The following ASXL3 variants were observed in gnomAD, a reference collection of about 807,000 sequenced individuals.
ASXL3 encodes putative Polycomb group protein ASXL3.
A neutral mutation model predicts 170.6 loss-of-function variants in ASXL3; 34 were observed. The ratio of observed to expected loss-of-function variants is 0.20; its 90% CI spans 0.15 to 0.27. The LOEUF (loss-of-function observed/expected upper bound fraction) is 0.27, where lower values mean the gene tolerates loss of function less well. Ranked by LOEUF, ASXL3 falls within the 10% of genes least tolerant of loss-of-function variation. ASXL3 has a pLI of 1.00. For synonymous variants in ASXL3, 1,002 were observed against 989.1 expected (o/e 1.01, Z -0.24); for missense variants, 2,592 against 2,695.3 (o/e 0.96, Z 0.85).
intron 8 of ASXL3, among the ~76,000 whole-genome samples, chr18:33,694,416 A>G (rs1021296639): frequency 1.3e-5 from 2 of 152,170 alleles, no homozygotes; most frequent in African/African-American, 4.8e-5. Flanking sequence ...GAGTCCTATT[A>G]AAGTTTTTAT....
intron 8 of ASXL3, chr18:33,690,369 T>A (rs1012423049): frequency 1.3e-5 from 2 of 152,134 alleles, no homozygotes; most frequent in Non-Finnish European, 2.9e-5. Flanking sequence ...CTAAGAGAGA[T>A]CTCAGAAAAC....
intron 4 of ASXL3, among the ~76,000 whole-genome samples, chr18:33,659,555 C>T (rs2066139371): frequency 6.6e-6 from 1 of 152,118 alleles, no homozygotes; most frequent in Admixed American, 6.6e-5. Flanking sequence ...CAGTTGGTCA[C>T]ATTTCATAGA....
Position 33,683,546 on chromosome 18 carries a change from T to C in ASXL3, c.857T>C (p.Leu286Ser). 6.2e-7 allele frequency: 1 copy of C among 1,613,126 alleles called. No individual in the cohort carries two copies. Among genetic ancestry groups the C allele is most frequent in the Non-Finnish European group, 8.5e-7 (1 of 1,179,538 alleles). Residue 286 changes from leucine (L) to serine (S), a missense_variant, in exon 8 of 12, where the codon TTG (leucine) becomes TCG (serine). By Grantham distance (145) the Leu-to-Ser change is moderately radical. Transcript: ENST00000269197. ...PQHFQQYLLL[L>S]LPEVDRQMGS... ...CATTTTCAACAATACCTCCTGCTTT[T>C]GCTCCCAGAAGTGGATAGGCAGGTA...
At position 33,745,615 on chromosome 18, in the gene ASXL3, G is replaced by A. The variant is rs766368604; in HGVS notation, c.5767G>A (p.Ala1923Thr). Residue 1923 changes from alanine to threonine, a missense_variant, in exon 12 of 12, where the codon GCT becomes ACT. Physicochemically the swap from Ala to Thr is moderately conservative, Grantham distance 58 (BLOSUM62 0). Transcript: ENST00000269197. ...CAAGAATGGCGGCTTCCACACTGACGCTGGTACCTCACACAGACAGCAGTT... is the reference window on the plus strand; with the variant it reads ...CAAGAATGGCGGCTTCCACACTGACACTGGTACCTCACACAGACAGCAGTT... The part of the protein sequence containing the change: ...VDKNGGFHTD[A>T]GTSHRQQFYQ... 6.8e-6 allele frequency: 11 copies of A among 1,613,804 alleles called. No homozygotes were observed. The South Asian group carries it at 7.7e-5, about 11-fold the overall frequency.
At chr18:33,647,197 G>C (rs2065929067) in intron 4 of ASXL3, among the ~76,000 whole-genome samples, 2 of 151,988 alleles carry the variant, frequency 1.3e-5, no homozygotes, top group Admixed American at 1.3e-4. Context: ...ATAACCCAAA[G>C]TCATTCATTT....
chr18:33,703,459 C>T (rs2066910818), intron 8 of ASXL3, among the ~76,000 whole-genome samples: 1 of 152,132 alleles, frequency 6.6e-6, no homozygotes. Flanking sequence ...GCCTGTCACT[C>T]ATGCGGTGGA....
At chr18:33,694,300 CTCCTT>C (rs2066737155) in intron 8 of ASXL3, among the ~76,000 whole-genome samples, 3 of 152,266 alleles carry the variant, frequency 2.0e-5, no homozygotes, top group African/African-American at 4.8e-5. Flanking sequence ...TAGCGGATCT[CTCCTT>C]TCTTTAAGAA....
chr18:33,589,724 G>A (rs2065062163), intron 1 of ASXL3, among the ~76,000 whole-genome samples: 3 of 151,986 alleles, frequency 2.0e-5, no homozygotes, highest in South Asian at 4.2e-4. Flanking sequence ...TTTATATGAT[G>A]GAATAACCTT....
At chr18:33,734,481 C>A in intron 10 of ASXL3, 66 bp downstream of exon 10, 2 of 1,031,540 alleles carry the variant, frequency 1.9e-6, no homozygotes, top group Non-Finnish European at 1.4e-6. Context: ...CTCTGCTTCA[C>A]ATAGCACACT....
At chr18:33,724,562 T>G (rs1169297712) in intron 8 of ASXL3, among the ~76,000 whole-genome samples, 3 of 152,134 alleles carry the variant, frequency 2.0e-5, no homozygotes, top group African/African-American at 7.2e-5. Flanking sequence ...TTCTGGGGAA[T>G]AGTTGTTCTA....
intron 2 of ASXL3, among the ~76,000 whole-genome samples, chr18:33,634,886 A>G (rs1014968600): frequency 1.3e-5 from 2 of 152,164 alleles, no homozygotes; most frequent in African/African-American, 4.8e-5. Context: ...TCAAGGAGCT[A>G]GTTGCCATCA....
At chr18:33,610,420 C>T (rs1054009704) in intron 2 of ASXL3, among the ~76,000 whole-genome samples, 8 of 151,964 alleles carry the variant, frequency 5.3e-5, no homozygotes, top group Admixed American at 4.6e-4. Flanking sequence ...GGTCCTCCCC[C>T]AAACAGTCCT....
chr18:33,613,371 C>G (rs765921412), intron 2 of ASXL3, among the ~76,000 whole-genome samples: 10 of 152,068 alleles, frequency 6.6e-5, no homozygotes, highest in Non-Finnish European at 1.3e-4. Context: ...TCCCCCTTTA[C>G]AAATCTATTT....
intron 1 of ASXL3, among the ~76,000 whole-genome samples, chr18:33,585,093 T>G (rs952608828): frequency 1.2e-4 from 19 of 152,026 alleles, no homozygotes; most frequent in Non-Finnish European, 2.8e-4. Context: ...CTCAGTCCCT[T>G]CCTCTCACTC....
intron 1 of ASXL3, among the ~76,000 whole-genome samples, chr18:33,592,097 ATCT>A: frequency 6.6e-6 from 1 of 152,166 alleles, no homozygotes; most frequent in South Asian, 2.1e-4. Context: ...TTTATCTTTT[ATCT>A]TCTTGGTGCT....
intron 8 of ASXL3, among the ~76,000 whole-genome samples, chr18:33,720,499 G>A (rs1207171676): frequency 6.6e-6 from 1 of 152,044 alleles, no homozygotes; most frequent in Non-Finnish European, 1.5e-5. Flanking sequence ...GCTACACACA[G>A]AGGGAACATT....
chr18:33,583,084 A>G lies in ASXL3; in HGVS notation c.54+4399A>G, dbSNP rs552110381. 2.6e-5 allele frequency among the ~76,000 whole-genome samples: 4 copies of G among 152,306 alleles called. 1 individual carries two copies. In the South Asian group the frequency reaches 8.3e-4, roughly 32 times the overall value. On this transcript the variant is annotated intron_variant, in intron 1 of 11. Transcript: ENST00000269197. ...TAGCTGTTAAAATTTTTAAAAAGCA[A>G]TTCATAATTGTGTAATTTACTGGTT...
At chr18:33,588,571 C>G (rs1421352800) in intron 1 of ASXL3, among the ~76,000 whole-genome samples, 1 of 152,086 alleles carries the variant, frequency 6.6e-6, no homozygotes, top group Non-Finnish European at 1.5e-5. Flanking sequence ...GCATGAGACA[C>G]TGCCATTGTT....
intron 5 of ASXL3, among the ~76,000 whole-genome samples, chr18:33,665,990 A>G (rs1163598712): frequency 6.6e-6 from 1 of 152,188 alleles, no homozygotes; most frequent in African/African-American, 2.4e-5. Context: ...ATTGAATAAT[A>G]CCTGGAAGCA....
Sources: gnomAD v4.1 joint callset for allele counts (sites outside exome capture counted in the v4.1 genomes callset) on GRCh38, gnomAD v4.1.1 for gene constraint, MANE v1.5 for transcripts, NCBI Gene and HGNC (gene_info 2026-07-23, HGNC 2026-07-21) for gene names.